Variants in TNS3 observed in about 807,000 individuals in gnomAD.
The protein encoded by TNS3 is tensin-3.
Under a neutral mutation model 140.9 loss-of-function variants are expected in TNS3, and 45 were observed. The ratio of observed to expected loss-of-function variants is 0.32; its 90% CI spans 0.25 to 0.41. The LOEUF is 0.41. Ranked by LOEUF, TNS3 falls within the 10% of genes least tolerant of loss-of-function variation. TNS3 has a pLI of 1.00. For missense variants in TNS3, 1,716 were observed against 1,906.7 expected (o/e 0.90, Z 1.86); for synonymous variants, 815 against 788.4 (o/e 1.03, Z -0.56).
rs570032009 is a variant in TNS3, at chr7:47,344,739, C to T, written c.2650+16G>A. The T allele has an allele frequency of 1.2e-5, 19 of 1,608,308 alleles. No homozygotes were observed. The Admixed American group carries it at 1.8e-4, about 16-fold the overall frequency. On this transcript the variant is annotated intron_variant, in intron 20 of 30. Transcript: ENST00000311160. ...CTGAGTGCCGCGCGCCTGTGACCCG[C>T]GGGTAGATTTCTTACCACGTCCTCC...
At chr7:47,310,811 C>T (rs958522506) in intron 20 of TNS3, among the ~76,000 whole-genome samples, 2 of 152,220 alleles carry the variant, frequency 1.3e-5, no homozygotes, top group Non-Finnish European at 2.9e-5. Context: ...TGAGTGAGAA[C>T]ATGCAGTGTT....
At chr7:47,489,563 T>C (rs1220282162) in intron 3 of TNS3, among the ~76,000 whole-genome samples, 2 of 152,242 alleles carry the variant, frequency 1.3e-5, no homozygotes, top group Non-Finnish European at 2.9e-5. Flanking sequence ...TTGAGGCCCA[T>C]GGCCCACAAG....
At chr7:47,383,471 C>T (rs564359733) in intron 16 of TNS3, among the ~76,000 whole-genome samples, 31 of 152,290 alleles carry the variant, frequency 2.0e-4, no homozygotes, top group Middle Eastern at 6.8e-3. Context: ...ATAATGGCGA[C>T]AGTTCCACAA....
rs749035028 is a variant in TNS3 at position 47,400,445 on chromosome 7, A to G, written c.867T>C (p.Pro289=). ...AGACTAATTCAACCTTCCCATAGTC[A>G]GGAAAACGGTCATCTGAAAAAAACA... ...LDNASKDDRF[P]DYGKVELVFS... The change falls in exon 15 of 31, where the codon CCT becomes CCC. Residue 289 remains proline, a synonymous_variant. Transcript: ENST00000311160. 1.9e-6 allele frequency: 3 copies of G among 1,614,160 alleles called. No homozygotes were observed. Among genetic ancestry groups the G allele is most frequent in the Non-Finnish European group, 2.5e-6 (3 of 1,179,996 alleles).
intron 7 of TNS3, among the ~76,000 whole-genome samples, chr7:47,436,773 T>C (rs1427113492): frequency 6.6e-6 from 1 of 152,192 alleles, no homozygotes; most frequent in Non-Finnish European, 1.5e-5. Context: ...ATTTATTCTA[T>C]ACATATATTT....
At chr7:47,470,395 T>G (rs976686785) in intron 4 of TNS3, 1 of 916,248 alleles carries the variant, frequency 1.1e-6, no homozygotes, top group African/African-American at 1.8e-5. Flanking sequence ...GTAAAATATG[T>G]GACCACTCTA....
chr7:47,382,487 C>A (rs146893261), intron 16 of TNS3, among the ~76,000 whole-genome samples: 3 of 152,296 alleles, frequency 2.0e-5, no homozygotes, highest in Admixed American at 1.3e-4. Flanking sequence ...ATTAACCTTT[C>A]TTGAAACAAC....
chr7:47,390,341 G>T lies in TNS3; in HGVS notation c.1024+6459C>A, dbSNP rs545393779. Reference sequence around the variant, plus strand: ...GGTCTCAGCTTGATCTGGCACTTCCGGGCCAGCTCTGCACACTGCAGCCAG... The same window carrying T: ...GGTCTCAGCTTGATCTGGCACTTCCTGGCCAGCTCTGCACACTGCAGCCAG... On this transcript the variant is annotated intron_variant, in intron 16 of 30. Coordinates refer to ENST00000311160, the MANE Select transcript of TNS3 (RefSeq NM_022748.12). 6.6e-5 allele frequency among the ~76,000 whole-genome samples: 10 copies of T among 152,306 alleles called. No homozygotes were observed. In the South Asian group the frequency reaches 2.1e-3, roughly 32 times the overall value.
intron 1 of TNS3, among the ~76,000 whole-genome samples, chr7:47,574,352 G>C (rs1800623584): frequency 6.6e-6 from 1 of 151,894 alleles, no homozygotes; most frequent in East Asian, 1.9e-4. Flanking sequence ...TCCTTTTCCT[G>C]CAGGCCTGGT....
chr7:47,468,871 C>T lies in TNS3; in HGVS notation c.-76+12232G>A, dbSNP rs113623457. On this transcript the variant is annotated intron_variant, in intron 4 of 30. Transcript: ENST00000311160. Reference sequence around the variant, plus strand: ...CAAGGCTAATGTAACCAAAACAGTACGGTACTGGCACAGAAACAGACACAT... The same window carrying T: ...CAAGGCTAATGTAACCAAAACAGTATGGTACTGGCACAGAAACAGACACAT... Among the ~76,000 whole-genome samples the T allele has an allele frequency of 1.3e-4, 20 of 152,266 alleles. 1 individual carries two copies. Among genetic ancestry groups the T allele is most frequent in the South Asian group, 1.0e-3 (5 of 4,816 alleles).
chr7:47,529,278 G>C (rs1012030765), intron 1 of TNS3, 131 bp from the exon 2 acceptor site: 82 of 463,742 alleles, frequency 1.8e-4, no homozygotes, highest in Non-Finnish European at 1.7e-4. Context: ...CAAGCAAACA[G>C]AGAACAAGAA....
At chr7:47,414,843 T>G (rs1302534800) in intron 11 of TNS3, among the ~76,000 whole-genome samples, 1 of 152,110 alleles carries the variant, frequency 6.6e-6, no homozygotes, top group African/African-American at 2.4e-5. Context: ...TCACTGTGCA[T>G]ATACACAGGG....
At chr7:47,526,072 C>T (rs139093361) in intron 2 of TNS3, among the ~76,000 whole-genome samples, 186 of 152,366 alleles carry the variant, frequency 1.2e-3, no homozygotes, top group African/African-American at 4.4e-3. Flanking sequence ...GCGCGTTTCA[C>T]AGCTGGAGGC....
At chr7:47,573,383 C>T (rs1176098443) in intron 1 of TNS3, among the ~76,000 whole-genome samples, 2 of 152,172 alleles carry the variant, frequency 1.3e-5, no homozygotes, top group African/African-American at 4.8e-5. Flanking sequence ...TCCCACCAGC[C>T]CGCTAGGTCG....
At chr7:47,397,075 T>C (rs1792877980) in intron 15 of TNS3, among the ~76,000 whole-genome samples, 171 bp from the exon 16 acceptor site, 1 of 152,158 alleles carries the variant, frequency 6.6e-6, no homozygotes, top group Admixed American at 6.5e-5. Flanking sequence ...TGTGGAGGAT[T>C]TTCCACAACT....
intron 1 of TNS3, among the ~76,000 whole-genome samples, chr7:47,575,937 G>C (rs1050712182): frequency 1.3e-5 from 2 of 151,490 alleles, no homozygotes; most frequent in Non-Finnish European, 2.9e-5. Context: ...TGCAGGACAA[G>C]AGAGAAATGC....
At chr7:47,514,761 C>T (rs891179440) in intron 2 of TNS3, among the ~76,000 whole-genome samples, 1 of 152,128 alleles carries the variant, frequency 6.6e-6, no homozygotes, top group Non-Finnish European at 1.5e-5. Flanking sequence ...CGTGGTCTGA[C>T]CCTGGATCCT....
chr7:47,339,363 T>A (rs965222971), intron 20 of TNS3, among the ~76,000 whole-genome samples: 1 of 152,332 alleles, frequency 6.6e-6, no homozygotes, highest in Admixed American at 6.5e-5. Flanking sequence ...TTAAGTTAAT[T>A]TTTGTATAAA....
intron 4 of TNS3, among the ~76,000 whole-genome samples, chr7:47,476,131 G>T (rs559937923): frequency 6.6e-6 from 1 of 152,302 alleles, no homozygotes; most frequent in South Asian, 2.1e-4. Context: ...CTAGCACTGA[G>T]GATCTAAGCA....
Sources: gnomAD v4.1 joint callset for allele counts (sites outside exome capture counted in the v4.1 genomes callset) on GRCh38, gnomAD v4.1.1 for gene constraint, MANE v1.5 for transcripts, NCBI Gene and HGNC (gene_info 2026-07-23, HGNC 2026-07-21) for gene names.